DENND6A: variants seen among roughly 807,000 people sequenced by gnomAD.
DENND6A encodes DENN domain containing 6A, also known as protein DENND6A.
In DENND6A, 43 loss-of-function variants were observed where a neutral mutation model predicts 95.5. The ratio of observed to expected loss-of-function variants is 0.45; its 90% CI spans 0.35 to 0.58. DENND6A has a LOEUF of 0.58. DENND6A is among the 20% of genes least tolerant of loss of function. The pLI, the probability that DENND6A is intolerant of heterozygous loss-of-function variation, is 0.00. For missense variants in DENND6A, 574 were observed against 736.0 expected (o/e 0.78, Z 2.55); for synonymous variants, 257 against 260.4 (o/e 0.99, Z 0.13).
intron 4 of DENND6A, 93 bp downstream of exon 4, chr3:57,666,030 C>G (rs2071520100): frequency 1.9e-6 from 2 of 1,080,546 alleles, no homozygotes. Flanking sequence ...AAAACAAAAG[C>G]AAAATATTTC....
intron 12 of DENND6A, among the ~76,000 whole-genome samples, chr3:57,640,875 CA>C (rs927152127): frequency 2.6e-5 from 4 of 152,004 alleles, no homozygotes; most frequent in Non-Finnish European, 4.4e-5. Context: ...TCTAGGTTAA[CA>C]AAACTTCCAA....
At chr3:57,632,105 C>T (rs1454234466) in intron 15 of DENND6A, among the ~76,000 whole-genome samples, 6 of 149,886 alleles carry the variant, frequency 4.0e-5, no homozygotes, top group Non-Finnish European at 8.9e-5. Flanking sequence ...CTGCAACCTC[C>T]GCCTCCCGGG....
intron 1 of DENND6A, among the ~76,000 whole-genome samples, chr3:57,676,691 T>C (rs1444363646): frequency 1.3e-5 from 2 of 152,186 alleles, no homozygotes; most frequent in Non-Finnish European, 2.9e-5. Context: ...ATATTAATAG[T>C]ACAAATAATA....
rs752074355 is a variant in DENND6A, at chr3:57,672,419, G to T, written c.257C>A (p.Ser86Tyr). The stretch of plus-strand genomic sequence containing the variant: ...ACTTACTTCTCTGTCAGTAAGTTTG[G>T]AATGCTGAGGATAAATTACCTGGAA... ...QAVEVIYPQHSKLTDREKTNI... is the reference protein window; with the variant it reads ...QAVEVIYPQHYKLTDREKTNI... Residue 86 changes from serine to tyrosine, a missense_variant, in exon 2 of 20, where the codon TCC becomes TAC. Ser to Tyr is a moderately radical substitution (Grantham distance 144). Around this residue, in one of 2 missense-constraint regions of DENND6A, gnomAD observed 452 missense variants for 630.9 expected, o/e 0.72. Transcript: ENST00000311128. 1.2e-6 allele frequency: 2 copies of T among 1,612,512 alleles called. No individual in the cohort carries two copies. The highest frequency in any genetic ancestry group is 2.2e-5 in the East Asian group (1 of 44,778).
intron 1 of DENND6A, 95 bp from the exon 2 acceptor site, chr3:57,672,533 AGCACTTTGGGAGCCCAAG>A (rs1198355293): frequency 2.3e-6 from 3 of 1,319,892 alleles, no homozygotes; most frequent in Non-Finnish European, 3.2e-6. Flanking sequence ...TGGTAATCCC[AGCACTTTGGGAGCCCAAG>A]GCAGGCGGAT....
At chr3:57,649,233 T>C (rs1406838093) in intron 9 of DENND6A, among the ~76,000 whole-genome samples, 1 of 152,000 alleles carries the variant, frequency 6.6e-6, no homozygotes, top group Non-Finnish European at 1.5e-5. Context: ...GATATACAAA[T>C]TGCCAACAAA....
At chr3:57,651,094 GAATATT>G (rs1015178274) in intron 9 of DENND6A, among the ~76,000 whole-genome samples, 14 of 152,008 alleles carry the variant, frequency 9.2e-5, no homozygotes, top group African/African-American at 3.4e-4. Flanking sequence ...CATCCACATG[GAATATT>G]ATTCAACCAT....
At chr3:57,674,762 C>T (rs921066732) in intron 1 of DENND6A, among the ~76,000 whole-genome samples, 2 of 152,166 alleles carry the variant, frequency 1.3e-5, no homozygotes, top group South Asian at 2.1e-4. Flanking sequence ...AAATGTGGTA[C>T]ATATATACCA....
chr3:57,681,776 TG>T (rs1227990689), intron 1 of DENND6A, among the ~76,000 whole-genome samples: 12 of 152,240 alleles, frequency 7.9e-5, no homozygotes, highest in Admixed American at 2.6e-4. Context: ...ATGACATGGA[TG>T]AACGTATATG....
intron 1 of DENND6A, among the ~76,000 whole-genome samples, chr3:57,675,687 CA>C (rs2071697135): frequency 6.6e-6 from 1 of 152,176 alleles, no homozygotes; most frequent in African/African-American, 2.4e-5. Flanking sequence ...ACCAGCAGAA[CA>C]AACAATAGTA....
At chr3:57,663,565 A>T in intron 5 of DENND6A, 71 bp downstream of exon 5, 1 of 1,129,374 alleles carries the variant, frequency 8.9e-7, no homozygotes, top group Non-Finnish European at 1.2e-6. Flanking sequence ...AAGACTCTTA[A>T]ATCTAACACT....
chr3:57,667,592 A>G (rs530061660), intron 3 of DENND6A, among the ~76,000 whole-genome samples: 1 of 152,322 alleles, frequency 6.6e-6, no homozygotes, highest in African/African-American at 2.4e-5. Context: ...TCTCTCTGTG[A>G]TTAGGGTGGT....
At chr3:57,641,425 C>G in intron 12 of DENND6A, among the ~76,000 whole-genome samples, 1 of 146,430 alleles carries the variant, frequency 6.8e-6, no homozygotes, top group African/African-American at 2.5e-5. Flanking sequence ...TATTATTATT[C>G]TATAATAATA....
At position 57,630,428 on chromosome 3, in the gene DENND6A, C is replaced by A; in HGVS notation, c.1613G>T (p.Cys538Phe). The change falls in exon 18 of 20, where the codon TGT (cysteine) becomes TTT (phenylalanine). Residue 538 changes from cysteine to phenylalanine, a missense_variant. By Grantham distance (205) the Cys-to-Phe change is radical. This residue lies in a region of DENND6A where 452 missense variants were observed against 630.9 expected (regional missense o/e 0.72). Transcript: ENST00000311128. ...KLEALHLEAL[C>F]EEDLLLWIQK... ...AACACACAGTTTTCGAACCTCTTCA[C>A]AAAGAGCTTCTAGATGGAGTGCCTC... 6.3e-7 allele frequency: 1 copy of A among 1,583,598 alleles called. No homozygotes were observed. The highest frequency in any genetic ancestry group is 8.5e-7 in the Non-Finnish European group (1 of 1,173,140).
chr3:57,670,081 G>A (rs1272376195), intron 3 of DENND6A, among the ~76,000 whole-genome samples: 3 of 146,860 alleles, frequency 2.0e-5, no homozygotes, highest in Non-Finnish European at 4.5e-5. Context: ...TAAGCCAAAA[G>A]TACTTAAAAA....
At chr3:57,659,508 C>T (rs2071385942) in intron 7 of DENND6A, among the ~76,000 whole-genome samples, 1 of 152,134 alleles carries the variant, frequency 6.6e-6, no homozygotes, top group African/African-American at 2.4e-5. Flanking sequence ...CCCAAACACA[C>T]CCTCTCAAGC....
chr3:57,669,261 A>T (rs2071575193), intron 3 of DENND6A, among the ~76,000 whole-genome samples: 1 of 152,148 alleles, frequency 6.6e-6, no homozygotes, highest in Non-Finnish European at 1.5e-5. Flanking sequence ...TACAAAACAT[A>T]TAGTCTCTTG....
At chr3:57,630,260 A>AGC (rs2070636531) in intron 18 of DENND6A, 161 bp downstream of exon 18, 1 of 561,636 alleles carries the variant, frequency 1.8e-6, no homozygotes, top group East Asian at 3.3e-5. Flanking sequence ...ATCTATATAA[A>AGC]GCCCCTATAA....
intron 4 of DENND6A, among the ~76,000 whole-genome samples, chr3:57,665,772 CTA>C (rs1404258323): frequency 2.0e-5 from 3 of 152,026 alleles, no homozygotes; most frequent in Non-Finnish European, 4.4e-5. Flanking sequence ...AAAGAGACAA[CTA>C]TGTTATCAAG....
Sources: gnomAD v4.1 joint callset for allele counts (sites outside exome capture counted in the v4.1 genomes callset) on GRCh38, gnomAD v4.1.1 for gene constraint, gnomAD v4.1.1 regional missense constraint, MANE v1.5 for transcripts, NCBI Gene and HGNC (gene_info 2026-07-23, HGNC 2026-07-21) for gene names.